BRWD3: variants seen among roughly 807,000 people sequenced by gnomAD.
BRWD3 encodes bromodomain and WD repeat-containing protein 3.
In BRWD3, 10 loss-of-function variants were observed where a neutral mutation model predicts 149.7. The ratio of observed to expected loss-of-function variants is 0.07; its 90% CI spans 0.04 to 0.11. The LOEUF (loss-of-function observed/expected upper bound fraction) is 0.11, where lower values mean the gene tolerates loss of function less well. BRWD3 is among the 10% of genes least tolerant of loss of function. The probability of loss-of-function intolerance (pLI) is 1.00; values close to 1 mark genes in which losing one functional copy is unlikely to be tolerated. For synonymous variants in BRWD3, 504 were observed against 456.7 expected, an observed-to-expected ratio of 1.10 and a Z score of -1.32; for missense variants, 940 against 1,373.2, an observed-to-expected ratio of 0.68 and a Z score of 4.99.
At chrX:80,736,662 G>A (rs999252430) in intron 8 of BRWD3, among the ~76,000 whole-genome samples, 4 of 108,523 alleles carry the variant, frequency 3.7e-5, no homozygotes, top group Non-Finnish European at 7.6e-5. Context: ...ATCGTTATTC[G>A]TATCATATCA....
At chrX:80,750,166 A>G (rs1346763574) in intron 6 of BRWD3, among the ~76,000 whole-genome samples, 1 of 111,785 alleles carries the variant, frequency 8.9e-6, no homozygotes, top group Non-Finnish European at 1.9e-5. Flanking sequence ...GAAAAGCTTC[A>G]GAACATTGTT....
At chrX:80,709,936 C>T in intron 20 of BRWD3, 1 of 911,881 alleles carries the variant, frequency 1.1e-6, no homozygotes, top group South Asian at 2.0e-5. Flanking sequence ...CATTTAGAAA[C>T]CAGTATGACA....
At chrX:80,738,719 T>TGTG (rs2073441949) in intron 8 of BRWD3, among the ~76,000 whole-genome samples, 2 of 111,394 alleles carry the variant, frequency 1.8e-5, no homozygotes, top group Admixed American at 1.9e-4. Context: ...ACAAAGCACA[T>TGTG]AGAAACTGAG....
intron 16 of BRWD3, among the ~76,000 whole-genome samples, chrX:80,723,051 CA>C (rs1166900224): frequency 1.8e-5 from 2 of 111,536 alleles, no homozygotes; most frequent in Non-Finnish European, 3.8e-5. Context: ...ACTAAAGCAA[CA>C]ACCCAGTAGA....
At chrX:80,722,525 G>T in intron 17 of BRWD3, 37 bp downstream of exon 17, 1 of 1,166,388 alleles carries the variant, frequency 8.6e-7, no homozygotes, top group African/African-American at 1.8e-5. Flanking sequence ...ATAACATTGG[G>T]CAAAATGTTT....
intron 21 of BRWD3, among the ~76,000 whole-genome samples, chrX:80,708,890 A>G (rs1033290079): frequency 6.3e-5 from 7 of 111,880 alleles, no homozygotes; most frequent in Non-Finnish European, 9.4e-5. Flanking sequence ...TTAAACCTTC[A>G]TTATGCATTT....
intron 4 of BRWD3, among the ~76,000 whole-genome samples, chrX:80,803,292 T>C (rs1023681513): frequency 3.6e-5 from 4 of 111,330 alleles, no homozygotes; most frequent in African/African-American, 1.3e-4. Flanking sequence ...AATATTCAAA[T>C]GTGACAAAGA....
intron 6 of BRWD3, among the ~76,000 whole-genome samples, chrX:80,761,850 TAGC>T (rs1354454168): frequency 9.0e-6 from 1 of 111,492 alleles, no homozygotes; most frequent in Non-Finnish European, 1.9e-5. Flanking sequence ...CAGATATCAA[TAGC>T]AGAATCCAAA....
intron 6 of BRWD3, among the ~76,000 whole-genome samples, chrX:80,749,788 C>T (rs2073641572): frequency 9.0e-6 from 1 of 111,540 alleles, no homozygotes; most frequent in Non-Finnish European, 1.9e-5. Flanking sequence ...AGCTAAAACA[C>T]TCTTATGCAA....
At chrX:80,774,841 T>A (rs763068817) in intron 6 of BRWD3, among the ~76,000 whole-genome samples, 54 of 111,853 alleles carry the variant, frequency 4.8e-4, no homozygotes, top group Non-Finnish European at 9.4e-4. Context: ...ATTTTCTGTC[T>A]ATATCTATAG....
chrX:80,711,111 T>C (rs983282362), intron 20 of BRWD3, among the ~76,000 whole-genome samples: 1 of 112,183 alleles, frequency 8.9e-6, no homozygotes, highest in African/African-American at 3.2e-5. Flanking sequence ...TTCAGTCATA[T>C]GTGTATATAT....
At chrX:80,710,774 C>G in intron 20 of BRWD3, 1 of 443,270 alleles carries the variant, frequency 2.3e-6, no homozygotes, top group Non-Finnish European at 4.1e-6. Context: ...ACTGATGATA[C>G]TAATCATCAG....
At chrX:80,725,909 T>C (rs2073220663) in intron 14 of BRWD3, among the ~76,000 whole-genome samples, 1 of 111,298 alleles carries the variant, frequency 9.0e-6, no homozygotes, top group South Asian at 3.7e-4. Context: ...TTTACATATG[T>C]TACATGCCTA....
At chrX:80,780,262 C>T (rs1356276439) in intron 6 of BRWD3, among the ~76,000 whole-genome samples, 1 of 109,624 alleles carries the variant, frequency 9.1e-6, no homozygotes, top group Non-Finnish European at 1.9e-5. Flanking sequence ...TTGGTGTATA[C>T]TGAAAGAAAA....
At chrX:80,746,255 T>C (rs1356834588) in intron 6 of BRWD3, among the ~76,000 whole-genome samples, 1 of 110,594 alleles carries the variant, frequency 9.0e-6, no homozygotes, top group African/African-American at 3.3e-5. Flanking sequence ...ATGTTACAAA[T>C]ATTTTATGTT....
At position 80,809,481 on chromosome X, in the gene BRWD3, G is replaced by A; in HGVS notation, c.-10C>T. On this transcript the variant is annotated 5_prime_UTR_variant, in exon 1 of 41. Transcript: ENST00000373275. ...TAGGTGCTGCCGCCATCCTTTTCCC[G>A]AGGGGGTTTGGGGGCTTCGCTCCGG... The A allele has an allele frequency of 8.6e-7, 1 of 1,159,444 alleles. No individual in the cohort carries two copies. Among genetic ancestry groups the A allele is most frequent in the Non-Finnish European group, 1.2e-6 (1 of 865,994 alleles).
intron 6 of BRWD3, among the ~76,000 whole-genome samples, chrX:80,762,608 G>T (rs1602405636): frequency 9.0e-6 from 1 of 110,788 alleles, no homozygotes; most frequent in East Asian, 2.8e-4. Flanking sequence ...ATAATACAAA[G>T]CAATTTTGTG....
Position 80,733,460 on chromosome X carries a change from C to A in BRWD3, c.1123G>T (p.Asp375Tyr). The A allele has an allele frequency of 8.4e-7, 1 of 1,195,774 alleles. No homozygotes were observed. The highest frequency in any genetic ancestry group is 1.1e-6 in the Non-Finnish European group (1 of 882,548). Residue 375 changes from aspartate (D) to tyrosine (Y), a missense_variant, in exon 12 of 41, where the codon GAC becomes TAC. This residue lies in a region of BRWD3 where 209 missense variants were observed against 396.8 expected (regional missense o/e 0.53). Coordinates refer to ENST00000373275, the MANE Select transcript of BRWD3 (RefSeq NM_153252.5). ...AAATATGTATTACATAATTACCTGT[C>A]TCCATTGTTACAGAACTGAACAGCA... is the stretch of plus-strand genomic sequence containing the variant. ...VVAVQFCNNG[D>Y]SLRFVSGSRD...
intron 31 of BRWD3, 32 bp downstream of exon 31, chrX:80,691,021 A>G: frequency 8.4e-7 from 1 of 1,197,256 alleles, no homozygotes; most frequent in South Asian, 1.8e-5. Context: ...AAAGCTATAA[A>G]TTTTATAATA....
Sources: allele counts gnomAD v4.1 joint callset (sites outside exome capture counted in the v4.1 genomes callset), GRCh38; gene constraint gnomAD v4.1.1; regional missense constraint gnomAD v4.1.1; transcripts MANE v1.5; gene names NCBI Gene and HGNC (gene_info 2026-07-23, HGNC 2026-07-21).